PI4KB: variants seen among roughly 807,000 people sequenced by gnomAD.
PI4KB encodes phosphatidylinositol 4-kinase beta, also known as PtdIns 4-kinase beta.
In PI4KB, 23 loss-of-function variants were observed where a neutral mutation model predicts 81.4. The observed-to-expected ratio is 0.28, with a 90% CI of 0.20 to 0.40. PI4KB has a LOEUF of 0.40. PI4KB is among the 10% of genes least tolerant of loss of function. The pLI, the probability that PI4KB is intolerant of heterozygous loss-of-function variation, is 1.00. For synonymous variants in PI4KB, 381 were observed against 406.8 expected, an observed-to-expected ratio of 0.94 and a Z score of 0.76; for missense variants, 651 against 1,036.6, an observed-to-expected ratio of 0.63 and a Z score of 5.11.
At chr1:151,323,785 C>G (rs1649210020) in intron 1 of PI4KB, among the ~76,000 whole-genome samples, 1 of 151,932 alleles carries the variant, frequency 6.6e-6, no homozygotes, top group South Asian at 2.1e-4. Flanking sequence ...GAGGAACAAG[C>G]ATTTTATCTA....
intron 8 of PI4KB, among the ~76,000 whole-genome samples, chr1:151,301,547 G>A (rs1171031651): frequency 2.0e-5 from 3 of 152,240 alleles, no homozygotes; most frequent in South Asian, 2.1e-4. Context: ...ACAGGCGCCC[G>A]CCACCACACC....
intron 5 of PI4KB, among the ~76,000 whole-genome samples, chr1:151,304,275 T>G (rs189232542): frequency 1.3e-5 from 2 of 152,288 alleles, no homozygotes; most frequent in African/African-American, 4.8e-5. Context: ...AATGTCTAAT[T>G]TCTGCAATTG....
intron 1 of PI4KB, chr1:151,326,206 C>A (rs376426360): frequency 6.2e-7 from 1 of 1,608,514 alleles, no homozygotes; most frequent in South Asian, 1.1e-5. Flanking sequence ...CCTGTTCATC[C>A]CTCTTAGTGG....
chr1:151,298,938 A>T lies in PI4KB; in HGVS notation c.1885T>A (p.Ser629Thr), dbSNP rs749628103. 5.0e-6 allele frequency: 8 copies of T among 1,614,206 alleles called. No homozygotes were observed. The highest frequency in any genetic ancestry group is 4.2e-6 in the Non-Finnish European group (5 of 1,180,036). ...IHQVKKQSQL[S>T]LLDYFLQEHG... is the part of the protein sequence containing the mutation. ...TCCTGTAGGAAGTAATCGAGCAAGG[A>T]GAGCTGTGACTGTTTCTTCACCTGA... Residue 629 changes from serine to threonine, a missense_variant, in exon 9 of 12, where the codon TCC becomes ACC. By Grantham distance (58) the Ser-to-Thr change is moderately conservative. Coordinates refer to ENST00000368873, the MANE Select transcript of PI4KB (RefSeq NM_001369623.2).
chr1:151,315,293 A>G (rs1408291961), intron 2 of PI4KB, among the ~76,000 whole-genome samples: 1 of 152,150 alleles, frequency 6.6e-6, no homozygotes, highest in Non-Finnish European at 1.5e-5. Context: ...GTTTAATAAA[A>G]ATGATTTGGG....
chr1:151,314,724 T>C (rs997658671), intron 2 of PI4KB, among the ~76,000 whole-genome samples: 4 of 152,192 alleles, frequency 2.6e-5, no homozygotes, highest in African/African-American at 9.7e-5. Flanking sequence ...CTTACACTTA[T>C]GTCAACAAAA....
intron 6 of PI4KB, 91 bp downstream of exon 6, chr1:151,303,450 C>T: frequency 2.4e-6 from 2 of 841,732 alleles, no homozygotes; most frequent in South Asian, 2.7e-5. Context: ...AGGCCAACAA[C>T]AGATGATTGA....
chr1:151,318,090 G>A (rs1037982778), intron 1 of PI4KB, among the ~76,000 whole-genome samples: 1 of 152,172 alleles, frequency 6.6e-6, no homozygotes, highest in African/African-American at 2.4e-5. Flanking sequence ...TAGGATTACA[G>A]GTGTGAACCA....
rs758697095 is a variant in PI4KB, at chr1:151,303,565, A to G, written c.1496T>C (p.Val499Ala). 6.2e-7 allele frequency: 1 copy of G among 1,612,270 alleles called. No individual in the cohort carries two copies. Among genetic ancestry groups the G allele is most frequent in the South Asian group, 1.1e-5 (1 of 91,032 alleles). ...CCGGATGTCCCCTGCTGCAATGAACACAGGCTCCTTGCTCTCCTGGCTGGT... is the reference window on the plus strand; with the variant it reads ...CCGGATGTCCCCTGCTGCAATGAACGCAGGCTCCTTGCTCTCCTGGCTGGT... ...SITSQESKEP[V>A]FIAAGDIRRR... The change falls in exon 6 of 12, where the codon GTG becomes GCG. Residue 499 changes from valine to alanine, a missense_variant. Val to Ala is a moderately conservative substitution (Grantham distance 64). Coordinates refer to ENST00000368873, the MANE Select transcript of PI4KB (RefSeq NM_001369623.2).
chr1:151,311,435 G>C (rs1013363224), intron 2 of PI4KB, among the ~76,000 whole-genome samples: 3 of 152,202 alleles, frequency 2.0e-5, no homozygotes, highest in Non-Finnish European at 4.4e-5. Flanking sequence ...CCTATAGTCA[G>C]GTCCTTCCTT....
In PI4KB at chr1:151,322,191, T is replaced by C. The variant is rs892793988; in HGVS notation, c.-29+5080A>G. 4.6e-5 allele frequency among the ~76,000 whole-genome samples: 7 copies of C among 152,138 alleles called. No individual in the cohort carries two copies. In the East Asian group the frequency reaches 9.6e-4, roughly 21 times the overall value. On this transcript the variant is annotated intron_variant, in intron 1 of 11. Coordinates refer to ENST00000368873, the MANE Select transcript of PI4KB (RefSeq NM_001369623.2). ...CCTAACAGCTGGCCCCTAGGAAAAGTTGACAACTGACTGAGTTCCACAGCT... is the reference window on the plus strand; with the variant it reads ...CCTAACAGCTGGCCCCTAGGAAAAGCTGACAACTGACTGAGTTCCACAGCT...
chr1:151,294,574 A>G (rs1430548436), intron 9 of PI4KB, 33 bp from the exon 10 acceptor site: 2 of 1,612,216 alleles, frequency 1.2e-6, no homozygotes, highest in East Asian at 4.5e-5. Flanking sequence ...AGGAAGAGGC[A>G]GTAGTCAGTC....
chr1:151,307,094 G>T (rs1038718925), intron 4 of PI4KB, among the ~76,000 whole-genome samples: 34 of 152,052 alleles, frequency 2.2e-4, no homozygotes, highest in African/African-American at 8.2e-4. Flanking sequence ...AGAAGAATCT[G>T]AACCATGAAT....
At chr1:151,302,436 G>A in intron 6 of PI4KB, 138 bp from the exon 7 acceptor site, 1 of 631,580 alleles carries the variant, frequency 1.6e-6, no homozygotes, top group East Asian at 2.7e-5. Context: ...GGGACTCATG[G>A]AAGAAAACAT....
In PI4KB at chr1:151,326,466, A is replaced by C. The variant is rs1649624704; in HGVS notation, c.-29+805T>G. 7.4e-6 allele frequency: 3 copies of C among 406,478 alleles called. No homozygotes were observed. In the Admixed American group the frequency reaches 1.2e-4, roughly 17 times the overall value. The allele number at this position is 406,478 out of a possible 1,614,324, so 25.2% of individuals were successfully genotyped here. A position where few individuals can be genotyped will look rare whatever the true frequency, so the allele number is the denominator to read the frequency against. On this transcript the variant is annotated intron_variant, in intron 1 of 11. Coordinates refer to ENST00000368873, the MANE Select transcript of PI4KB (RefSeq NM_001369623.2). ...AACAAATGTCACAAGGATCAGAGAA[A>C]TCCCTGAAACTCGAGGGAGGTGTCA...
intron 9 of PI4KB, among the ~76,000 whole-genome samples, chr1:151,298,025 G>A (rs780446482): frequency 3.9e-5 from 6 of 152,182 alleles, no homozygotes; most frequent in South Asian, 4.1e-4. Flanking sequence ...GGCCTAGATG[G>A]TGTAATTATT....
chr1:151,293,408 TG>T (rs1417457568), intron 11 of PI4KB: 1 of 1,279,840 alleles, frequency 7.8e-7, no homozygotes. Flanking sequence ...ACAGATGACC[TG>T]GGCCACCGTC....
intron 1 of PI4KB, among the ~76,000 whole-genome samples, chr1:151,319,794 T>G (rs1036353624): frequency 1.3e-5 from 2 of 152,140 alleles, no homozygotes; most frequent in Non-Finnish European, 2.9e-5. Context: ...TTCACAAAAA[T>G]GCTAATAGAG....
At chr1:151,296,114 C>T (rs185716534) in intron 9 of PI4KB, among the ~76,000 whole-genome samples, 237 of 152,170 alleles carry the variant, frequency 1.6e-3, no homozygotes, top group Middle Eastern at 3.4e-3. Context: ...GGCGTGGTGG[C>T]GCATGCCTGT....
Sources: gnomAD v4.1 joint callset for allele counts (sites outside exome capture counted in the v4.1 genomes callset) on GRCh38, gnomAD v4.1.1 for gene constraint, MANE v1.5 for transcripts, NCBI Gene and HGNC (gene_info 2026-07-23, HGNC 2026-07-21) for gene names.